Variants in DDX10 observed in about 807,000 individuals in gnomAD.
DDX10 encodes the protein probable ATP-dependent RNA helicase DDX10.
DDX10 carries 74 observed loss-of-function variants against 104.3 expected under a neutral mutation model. That is an observed-to-expected ratio of 0.71 (90% CI 0.59 to 0.86). DDX10 has a LOEUF of 0.86. Among genes scored for constraint, DDX10 ranks in the 40% least tolerant of loss-of-function variants. The pLI is 0.00. For synonymous variants in DDX10, 351 were observed against 353.4 expected, an observed-to-expected ratio of 0.99 and a Z score of 0.08; for missense variants, 952 against 1,040.0, an observed-to-expected ratio of 0.92 and a Z score of 1.16.
intron 13 of DDX10, among the ~76,000 whole-genome samples, chr11:108,825,451 A>G (rs1026045669): frequency 6.6e-6 from 1 of 152,244 alleles, no homozygotes; most frequent in Non-Finnish European, 1.5e-5. Context: ...GGAATGTAGC[A>G]ATCAAAAACA....
intron 13 of DDX10, among the ~76,000 whole-genome samples, chr11:108,732,866 G>T (rs1469892454): frequency 6.6e-6 from 1 of 152,124 alleles, no homozygotes; most frequent in African/African-American, 2.4e-5. Flanking sequence ...ATTTATTTTT[G>T]GAACACTTAT....
chr11:108,715,989 A>G lies in DDX10; in HGVS notation c.1410+23A>G, dbSNP rs1248504907. The G allele has an allele frequency of 3.4e-6, 4 of 1,191,360 alleles. No homozygotes were observed. In the South Asian group the frequency reaches 3.8e-5, roughly 11 times the overall value. 73.8% of individuals were successfully genotyped at this position (1,191,360 alleles called of 1,614,324 possible). On this transcript the variant is annotated intron_variant, in intron 11 of 17. Coordinates refer to ENST00000322536, the MANE Select transcript of DDX10 (RefSeq NM_004398.4). ...AGGGTAAGTCATTTTTCAGTTGGAT[A>G]CTTTCATTGACTGGAAAAACAGTAA...
intron 17 of DDX10, among the ~76,000 whole-genome samples, chr11:108,925,634 A>G (rs957439349): frequency 2.6e-5 from 4 of 152,230 alleles, no homozygotes; most frequent in Non-Finnish European, 4.4e-5. Flanking sequence ...TGGTTACACC[A>G]TAAGTTCCTT....
In DDX10 at chr11:108,723,264, A is replaced by T. The variant is rs1321876366; in HGVS notation, c.1767A>T (p.Glu589Asp). The change falls in exon 13 of 18, where the codon GAA becomes GAT. Residue 589 changes from glutamate (E) to aspartate (D), a missense_variant. Around this residue, in one of 3 missense-constraint regions of DDX10, gnomAD observed 533 missense variants for 534.1 expected, o/e 1.00. Transcript: ENST00000322536. ...AACAGGAAGAAGAAGAAGACGATGA[A>T]GAAGAAATGGAAGAGAAACTGGCAA... ...NEEQEEEEDDEEEMEEKLAKA... is the reference protein window; with the variant it reads ...NEEQEEEEDDDEEMEEKLAKA... 3 of 1,613,426 alleles carry T rather than the reference A, an allele frequency of 1.9e-6. No individual in the cohort carries two copies. Among genetic ancestry groups the T allele is most frequent in the Admixed American group, 3.3e-5 (2 of 59,882 alleles).
chr11:108,749,774 A>G (rs2094336180), intron 13 of DDX10, among the ~76,000 whole-genome samples: 1 of 152,224 alleles, frequency 6.6e-6, no homozygotes. Context: ...TGATTTAAGT[A>G]GAATTATTTG....
At chr11:108,720,833 TC>T (rs1179270538) in intron 12 of DDX10, among the ~76,000 whole-genome samples, 4 of 151,198 alleles carry the variant, frequency 2.6e-5, no homozygotes, top group African/African-American at 9.7e-5. Context: ...GCTCAAGTGA[TC>T]CCCCCACCTC....
At chr11:108,746,262 C>G (rs1469807968) in intron 13 of DDX10, among the ~76,000 whole-genome samples, 1 of 151,932 alleles carries the variant, frequency 6.6e-6, no homozygotes, top group African/African-American at 2.4e-5. Flanking sequence ...TTATTCTGGA[C>G]ATTTCCTAAG....
chr11:108,880,655 C>A (rs1863216062), intron 16 of DDX10, among the ~76,000 whole-genome samples: 1 of 152,122 alleles, frequency 6.6e-6, no homozygotes, highest in Admixed American at 6.5e-5. Flanking sequence ...GGCACTTCGG[C>A]AAAAGGAAGT....
chr11:108,779,841 C>T (rs2094375766), intron 13 of DDX10, among the ~76,000 whole-genome samples: 1 of 151,994 alleles, frequency 6.6e-6, no homozygotes, highest in South Asian at 2.1e-4. Context: ...TTTTTTGGCT[C>T]TGTTGTTTTA....
chr11:108,936,718 C>A (rs1864041860), intron 17 of DDX10, among the ~76,000 whole-genome samples: 1 of 152,112 alleles, frequency 6.6e-6, no homozygotes, highest in African/African-American at 2.4e-5. Flanking sequence ...TATGGTTGGA[C>A]TTTGGGATTT....
intron 13 of DDX10, among the ~76,000 whole-genome samples, chr11:108,743,873 C>T (rs1047623703): frequency 6.6e-6 from 1 of 152,134 alleles, no homozygotes; most frequent in Non-Finnish European, 1.5e-5. Context: ...CCTTTGTCCC[C>T]ATAATTGAGA....
chr11:108,744,965 A>G (rs900048680), intron 13 of DDX10, among the ~76,000 whole-genome samples: 5 of 152,056 alleles, frequency 3.3e-5, no homozygotes, highest in Non-Finnish European at 7.4e-5. Flanking sequence ...TGGCCAATCA[A>G]TTTTGGAAGG....
At chr11:108,769,810 G>A (rs1049460996) in intron 13 of DDX10, among the ~76,000 whole-genome samples, 1 of 151,816 alleles carries the variant, frequency 6.6e-6, no homozygotes, top group African/African-American at 2.4e-5. Context: ...TGTTTCTGTG[G>A]GTTATACCTA....
chr11:108,826,303 A>G (rs749139351), intron 13 of DDX10, among the ~76,000 whole-genome samples: 2 of 152,182 alleles, frequency 1.3e-5, no homozygotes, highest in African/African-American at 2.4e-5. Flanking sequence ...TAGAAGTATA[A>G]TAATAAACAG....
At chr11:108,738,031 G>A (rs953552836) in intron 13 of DDX10, among the ~76,000 whole-genome samples, 6 of 151,998 alleles carry the variant, frequency 3.9e-5, no homozygotes, top group African/African-American at 1.2e-4. Flanking sequence ...ATGGGAAATG[G>A]TTGCATATTC....
chr11:108,728,712 C>T (rs1591803018), intron 13 of DDX10, among the ~76,000 whole-genome samples: 1 of 151,850 alleles, frequency 6.6e-6, no homozygotes, highest in African/African-American at 2.4e-5. Flanking sequence ...GAGGTGGGTT[C>T]TTTCTGTGTT....
rs550920925 is a variant in DDX10, at chr11:108,720,141, T to G, written c.1499+256T>G. On this transcript the variant is annotated intron_variant, in intron 12 of 17. Coordinates refer to ENST00000322536, the MANE Select transcript of DDX10 (RefSeq NM_004398.4). ...CACTCTGCCTTACGTTAAAAGAATCTGTTTGTTAAAGATTCTCAGTGGAAA... is the reference window on the plus strand; with the variant it reads ...CACTCTGCCTTACGTTAAAAGAATCGGTTTGTTAAAGATTCTCAGTGGAAA... Among the ~76,000 whole-genome samples the G allele has an allele frequency of 7.9e-5, 12 of 152,366 alleles. No individual in the cohort carries two copies. The South Asian group carries it at 2.5e-3, about 32-fold the overall frequency.
intron 13 of DDX10, among the ~76,000 whole-genome samples, chr11:108,837,051 T>G (rs1383398284): frequency 6.6e-6 from 1 of 152,244 alleles, no homozygotes; most frequent in Non-Finnish European, 1.5e-5. Flanking sequence ...TAAGCCTTTA[T>G]GCAGTTGGCT....
chr11:108,738,471 A>T (rs2094321001), intron 13 of DDX10, among the ~76,000 whole-genome samples: 2 of 151,968 alleles, frequency 1.3e-5, no homozygotes. Flanking sequence ...CTCTTTCCTA[A>T]AAAGGAGGGA....
Sources: allele counts gnomAD v4.1 joint callset (sites outside exome capture counted in the v4.1 genomes callset), GRCh38; gene constraint gnomAD v4.1.1; regional missense constraint gnomAD v4.1.1; transcripts MANE v1.5; gene names NCBI Gene and HGNC (gene_info 2026-07-23, HGNC 2026-07-21).